The following BMX variants were observed in gnomAD, a reference collection of about 807,000 sequenced individuals.
BMX encodes the protein cytoplasmic tyrosine-protein kinase BMX.
BMX carries 31 observed loss-of-function variants against 59.2 expected under a neutral mutation model. That is an observed-to-expected ratio of 0.52 (90% CI 0.39 to 0.71). The LOEUF is 0.71. Ranked by LOEUF, BMX falls within the 30% of genes least tolerant of loss-of-function variation. The pLI is 0.00. For missense variants in BMX, 474 were observed against 491.7 expected, an observed-to-expected ratio of 0.96 and a Z score of 0.34; for synonymous variants, 185 against 181.0, an observed-to-expected ratio of 1.02 and a Z score of -0.18.
At chrX:15,522,669 G>A (rs1924525097) in intron 7 of BMX, 82 bp downstream of exon 7, 4 of 1,142,208 alleles carry the variant, frequency 3.5e-6, no homozygotes, top group Non-Finnish European at 3.5e-6. Flanking sequence ...CCTCAAAGCT[G>A]TTGATCCAGG....
intron 18 of BMX, among the ~76,000 whole-genome samples, chrX:15,550,650 T>C (rs7049786): frequency 0.02 from 1,871 of 93,236 alleles, 53 homozygotes; most frequent in African/African-American, 0.072. Context: ...GTGCCCTCAC[T>C]GAACTCAAAG....
intron 18 of BMX, among the ~76,000 whole-genome samples, chrX:15,555,296 C>T (rs1279849247): frequency 2.9e-5 from 3 of 103,795 alleles, no homozygotes; most frequent in Non-Finnish European, 5.9e-5. Flanking sequence ...GCAACCTCCA[C>T]CTTCCAGGCT....
chrX:15,522,197 T>C, intron 6 of BMX, 149 bp from the exon 7 acceptor site: 1 of 777,896 alleles, frequency 1.3e-6, no homozygotes, highest in East Asian at 3.2e-5. Flanking sequence ...TTTCCTTGCC[T>C]CTTTCCTTCC....
At chrX:15,528,711 T>C (rs1352293894) in intron 9 of BMX, among the ~76,000 whole-genome samples, 8 of 111,755 alleles carry the variant, frequency 7.2e-5, no homozygotes, top group African/African-American at 2.6e-4. Flanking sequence ...TGCTCTGTCA[T>C]TGAATACTGA....
At position 15,534,311 on chromosome X, in the gene BMX, T is replaced by C; in HGVS notation, c.1119T>C (p.Leu373=). 1.7e-6 allele frequency: 2 copies of C among 1,191,291 alleles called. No individual in the cohort carries two copies. Among genetic ancestry groups the C allele is most frequent in the Non-Finnish European group, 2.3e-6 (2 of 886,873 alleles). Residue 373 remains leucine, a synonymous_variant, in exon 12 of 19, where the codon CTT becomes CTC. Transcript: ENST00000348343. ...ACTGTTTTGATTCCATTCCAAAGCT[T>C]ATTCATTATCATCAACACAATTCAG... The part of the protein sequence containing the change: ...ENYCFDSIPK[L]IHYHQHNSAG...
intron 9 of BMX, among the ~76,000 whole-genome samples, chrX:15,528,787 G>A (rs1328473778): frequency 8.9e-6 from 1 of 112,287 alleles, no homozygotes; most frequent in Non-Finnish European, 1.9e-5. Flanking sequence ...GTTTGTATGT[G>A]TGTGGGAGGT....
intron 9 of BMX, among the ~76,000 whole-genome samples, chrX:15,528,994 T>C (rs745932220): frequency 2.7e-5 from 3 of 112,293 alleles, no homozygotes; most frequent in African/African-American, 9.7e-5. Flanking sequence ...GTGTTAGTTA[T>C]ACAGTATCCA....
intron 11 of BMX, among the ~76,000 whole-genome samples, chrX:15,533,693 A>G (rs1925192967): frequency 9.0e-6 from 1 of 111,581 alleles, no homozygotes; most frequent in Non-Finnish European, 1.9e-5. Flanking sequence ...TTTTATGTGG[A>G]GAAGGTACAA....
chrX:15,554,471 G>C (rs960032583), intron 18 of BMX, among the ~76,000 whole-genome samples: 12 of 111,240 alleles, frequency 1.1e-4, no homozygotes, highest in African/African-American at 3.9e-4. Flanking sequence ...ACAAATTAGG[G>C]AGAGTAATAC....
chrX:15,506,737 T>C (rs1245238025), intron 1 of BMX, among the ~76,000 whole-genome samples: 1 of 112,222 alleles, frequency 8.9e-6, no homozygotes, highest in African/African-American at 3.2e-5. Context: ...CCCTGATCTC[T>C]GCCCTGTCTT....
intron 15 of BMX, among the ~76,000 whole-genome samples, chrX:15,542,547 T>TA (rs1380176888): frequency 9.2e-6 from 1 of 108,772 alleles, no homozygotes; most frequent in Non-Finnish European, 1.9e-5. Flanking sequence ...AGCCATTTGA[T>TA]ACAATAACTG....
chrX:15,555,583 G>A (rs868822253), intron 18 of BMX, among the ~76,000 whole-genome samples: 1 of 111,113 alleles, frequency 9.0e-6, no homozygotes, highest in Non-Finnish European at 1.9e-5. Flanking sequence ...CCATTTTAGA[G>A]GGGCACACTT....
intron 5 of BMX, 105 bp downstream of exon 5, chrX:15,516,336 G>C: frequency 9.5e-7 from 1 of 1,047,805 alleles, no homozygotes; most frequent in Admixed American, 2.4e-5. Flanking sequence ...AGATGTGCCA[G>C]ATTGGTTGGC....
chrX:15,511,838 G>C (rs1923973379), intron 4 of BMX, among the ~76,000 whole-genome samples: 1 of 111,852 alleles, frequency 8.9e-6, no homozygotes, highest in Admixed American at 9.5e-5. Flanking sequence ...GGAAAGTCTA[G>C]GTCATCATGG....
At chrX:15,552,463 A>G (rs1926244431) in intron 18 of BMX, among the ~76,000 whole-genome samples, 1 of 112,409 alleles carries the variant, frequency 8.9e-6, no homozygotes, top group African/African-American at 3.2e-5. Context: ...TTGTCCTGAG[A>G]GGAAGACATA....
intron 11 of BMX, among the ~76,000 whole-genome samples, chrX:15,532,672 A>G (rs1407687783): frequency 8.9e-6 from 1 of 112,511 alleles, no homozygotes; most frequent in Non-Finnish European, 1.9e-5. Flanking sequence ...ATGTATATTT[A>G]TAATAATTAA....
chrX:15,521,824 C>A (rs1924471199), intron 6 of BMX, among the ~76,000 whole-genome samples: 2 of 111,956 alleles, frequency 1.8e-5, no homozygotes, highest in Non-Finnish European at 1.9e-5. Flanking sequence ...TCTGCAAAGT[C>A]TCTTTTACCA....
chrX:15,542,297 C>T (rs1601662084), intron 15 of BMX, 99 bp downstream of exon 15: 1 of 776,989 alleles, frequency 1.3e-6, no homozygotes, highest in South Asian at 2.3e-5. Flanking sequence ...AGGGCACCAT[C>T]ACTTCTACTT....
intron 16 of BMX, 96 bp from the exon 17 acceptor site, chrX:15,546,707 T>C: frequency 1.6e-6 from 1 of 640,391 alleles, no homozygotes; most frequent in Non-Finnish European, 2.4e-6. Context: ...TCCAGAAAAC[T>C]GAGGCAATCG....
Sources: gnomAD v4.1 joint callset for allele counts (sites outside exome capture counted in the v4.1 genomes callset) on GRCh38, gnomAD v4.1.1 for gene constraint, MANE v1.5 for transcripts, NCBI Gene and HGNC (gene_info 2026-07-23, HGNC 2026-07-21) for gene names.